Variants in GFI1 observed in about 807,000 individuals in gnomAD.
The protein encoded by GFI1 is growth factor independent 1 transcriptional repressor, also known as zinc finger protein Gfi-1.
GFI1 carries 15 observed loss-of-function variants against 39.2 expected under a neutral mutation model. The observed-to-expected ratio is 0.38, with a 90% CI of 0.26 to 0.59. The LOEUF (loss-of-function observed/expected upper bound fraction) is 0.59, where lower values mean the gene tolerates loss of function less well. Ranked by LOEUF, GFI1 falls within the 20% of genes least tolerant of loss-of-function variation. The probability of loss-of-function intolerance (pLI) is 0.62; values close to 1 mark genes in which losing one functional copy is unlikely to be tolerated. For synonymous variants in GFI1, 239 were observed against 254.3 expected, an observed-to-expected ratio of 0.94 and a Z score of 0.57; for missense variants, 475 against 574.0, an observed-to-expected ratio of 0.83 and a Z score of 1.76.
intron 6 of GFI1, among the ~76,000 whole-genome samples, chr1:92,478,129 C>G (rs1658049996): frequency 6.6e-6 from 1 of 152,194 alleles, no homozygotes; most frequent in Non-Finnish European, 1.5e-5. Flanking sequence ...ATTTGTTCCT[C>G]TTCAATCAGA....
At chr1:92,486,335 G>A (rs1473592575) in intron 1 of GFI1, among the ~76,000 whole-genome samples, 2 of 152,202 alleles carry the variant, frequency 1.3e-5, no homozygotes, top group African/African-American at 4.8e-5. Context: ...GGCAGGGGAT[G>A]GGGGAAATTG....
rs573443108 is a variant in GFI1, at chr1:92,481,867, C to A, written c.299-779G>T. Among the ~76,000 whole-genome samples, 1 of 151,760 alleles carries A rather than the reference C, an allele frequency of 6.6e-6. No homozygotes were observed. The highest frequency in any genetic ancestry group is 1.5e-5 in the Non-Finnish European group (1 of 67,984). On this transcript the variant is annotated intron_variant, in intron 3 of 6. Transcript: ENST00000294702. This position sits in a 1 kb window ranked among gnomAD's most constrained non-coding sequence, Gnocchi z 4.3. ...AGCTCTGAATTCTCGGCCTGCTACG[C>A]CCCCACCCACGTGAATTTTGCTAAA...
rs1411258127 is a variant in GFI1 at position 92,484,597 on chromosome 1, CG to C, written c.-99-1012del. 20 of 152,254 alleles carry C rather than the reference CG, an allele frequency of 1.3e-4. No individual in the cohort carries two copies. The highest frequency in any genetic ancestry group is 4.6e-4 in the African/African-American group (19 of 41,436). The allele number at this position is 152,254 out of a possible 1,614,324, so 9.4% of individuals were successfully genotyped here. On this transcript the variant is annotated intron_variant, in intron 1 of 6. Transcript: ENST00000294702. The surrounding 1 kb of genome is among the most constrained non-coding windows in gnomAD (Gnocchi z 4.1). ...GGCTGCATTAGCAGAGAGCGGGGGTCGGGCCCGGGCCCGGGAGGGAACTAGC... is the reference window on the plus strand; with the variant it reads ...GGCTGCATTAGCAGAGAGCGGGGGTCGGCCCGGGCCCGGGAGGGAACTAGC...
Position 92,480,525 on chromosome 1 carries a change from G to A in GFI1, c.787-40C>T. On this transcript the variant is annotated intron_variant, in intron 4 of 6. Coordinates refer to ENST00000294702, the MANE Select transcript of GFI1 (RefSeq NM_005263.5). The surrounding 1 kb of genome is among the most constrained non-coding windows in gnomAD (Gnocchi z 5.6). Reference sequence around the variant, plus strand: ...GCCAGAGAGAAGGCCGCTGAGAGGGGCCGCGGGGCGCAGGCGAGGCGCGGG... The same window carrying A: ...GCCAGAGAGAAGGCCGCTGAGAGGGACCGCGGGGCGCAGGCGAGGCGCGGG... 1.3e-6 allele frequency: 2 copies of A among 1,547,430 alleles called. No individual in the cohort carries two copies. The highest frequency in any genetic ancestry group is 1.7e-6 in the Non-Finnish European group (2 of 1,145,836).
chr1:92,478,597 T>A lies in GFI1; in HGVS notation c.1081A>T (p.Ile361Phe). The stretch of plus-strand genomic sequence containing the variant: ...GGCCTTTTTAGCTCACCAGTGTGGA[T>A]GAAAGTGTGTTTCTTCATGTCTGAC... Reference protein sequence around the residue: ...QKSDMKKHTFIHTGEKPHKCQ... With the variant: ...QKSDMKKHTFFHTGEKPHKCQ... The change falls in exon 6 of 7, where the codon ATC becomes TTC. Residue 361 changes from isoleucine to phenylalanine, a missense_variant. By Grantham distance (21) the Ile-to-Phe change is conservative. Around this residue, in one of 4 missense-constraint regions of GFI1, gnomAD observed 112 missense variants for 202.8 expected, o/e 0.55. Transcript: ENST00000294702. 6.2e-7 allele frequency: 1 copy of A among 1,614,060 alleles called. No homozygotes were observed. Among genetic ancestry groups the A allele is most frequent in the Non-Finnish European group, 8.5e-7 (1 of 1,179,944 alleles).
At chr1:92,478,791 G>GAGAGAC in intron 5 of GFI1, 38 bp from the exon 6 acceptor site, 1 of 1,457,262 alleles carries the variant, frequency 6.9e-7, no homozygotes, top group Non-Finnish European at 9.6e-7. Flanking sequence ...GAGAGAGAGA[G>GAGAGAC]AGATGCAGAA....
intron 6 of GFI1, among the ~76,000 whole-genome samples, chr1:92,476,886 C>A (rs1036106146): frequency 6.6e-6 from 1 of 152,088 alleles, no homozygotes; most frequent in Non-Finnish European, 1.5e-5. Context: ...ACTTTACTGT[C>A]TTGATTTTTC....
rs1658442031 is a variant in GFI1, at chr1:92,484,669, A to G, written c.-99-1083T>C. The G allele has an allele frequency of 6.6e-6, 1 of 152,192 alleles. No individual in the cohort carries two copies. The highest frequency in any genetic ancestry group is 1.5e-5 in the Non-Finnish European group (1 of 68,102). The allele number at this position is 152,192 out of a possible 1,614,324, so 9.4% of individuals were successfully genotyped here. ...TTAACCCCCAATCAGTTCACCTAAT[A>G]CCAGGTCGAAATCTGAGCGCAGCGG... On this transcript the variant is annotated intron_variant, in intron 1 of 6. Transcript: ENST00000294702. This position sits in a 1 kb window ranked among gnomAD's most constrained non-coding sequence, Gnocchi z 4.1.
chr1:92,477,151 G>C (rs1012951696), intron 6 of GFI1, among the ~76,000 whole-genome samples: 1 of 152,172 alleles, frequency 6.6e-6, no homozygotes, highest in African/African-American at 2.4e-5. Flanking sequence ...CTGTTTTCAT[G>C]CTTCAGATTT....
In GFI1 at chr1:92,476,217, T is replaced by TGGGAGG; in HGVS notation, c.1091-16_1091-11dup. ...TTGTGAGGCTTCTCACCTGTGGGGA[T>TGGGAGG]GGGAGGGGGAGGGGAGAAAGTATGA... On this transcript the variant is annotated splice_polypyrimidine_tract_variant and intron_variant, in intron 6 of 6. Transcript: ENST00000294702. 6.2e-7 allele frequency: 1 copy of TGGGAGG among 1,608,984 alleles called. No homozygotes were observed. Among genetic ancestry groups the TGGGAGG allele is most frequent in the Non-Finnish European group, 8.5e-7 (1 of 1,177,336 alleles).
In GFI1 at chr1:92,486,902, A is replaced by T. The variant is rs1333232334; in HGVS notation, c.-276T>A. 1 of 151,706 alleles carries T rather than the reference A, an allele frequency of 6.6e-6. No homozygotes were observed. Among genetic ancestry groups the T allele is most frequent in the Non-Finnish European group, 1.5e-5 (1 of 67,888 alleles). 9.4% of individuals were successfully genotyped at this position (151,706 alleles called of 1,614,324 possible). On this transcript the variant is annotated 5_prime_UTR_variant, in exon 1 of 7. Transcript: ENST00000294702. Reference sequence around the variant, plus strand: ...CCTGCGCGGAGCTCGCCGGCTCTCGACCGGGTCCGCTCAGCCTTCGACTAA... The same window carrying T: ...CCTGCGCGGAGCTCGCCGGCTCTCGTCCGGGTCCGCTCAGCCTTCGACTAA...
In GFI1 at chr1:92,475,561, T is replaced by A. The variant is rs911276486; in HGVS notation, c.*468A>T. 2 of 190,094 alleles carry A rather than the reference T, an allele frequency of 1.1e-5. No homozygotes were observed. The highest frequency in any genetic ancestry group is 4.7e-5 in the African/African-American group (2 of 42,462). 11.8% of individuals were successfully genotyped at this position (190,094 alleles called of 1,614,324 possible). ...GAAAAAAATAAAAGTTAACACTCAC[T>A]CTTCTTTCTAGATAAAAATATTAGC... On this transcript the variant is annotated 3_prime_UTR_variant, in exon 7 of 7. Coordinates refer to ENST00000294702, the MANE Select transcript of GFI1 (RefSeq NM_005263.5).
intron 6 of GFI1, 99 bp from the exon 7 acceptor site, chr1:92,476,306 CCA>C: frequency 8.5e-7 from 1 of 1,179,488 alleles, no homozygotes; most frequent in Non-Finnish European, 1.2e-6. Context: ...GCTGGTTGCA[CCA>C]CAGTCTAAGG....
chr1:92,479,106 T>C (rs1658102458), intron 5 of GFI1, among the ~76,000 whole-genome samples: 1 of 152,208 alleles, frequency 6.6e-6, no homozygotes, highest in Non-Finnish European at 1.5e-5. Context: ...CCTCAAGTGA[T>C]TCGCCCACCT....
chr1:92,477,361 G>C (rs1345892175), intron 6 of GFI1, among the ~76,000 whole-genome samples: 1 of 152,086 alleles, frequency 6.6e-6, no homozygotes, highest in African/African-American at 2.4e-5. Flanking sequence ...CAGGTAAGAG[G>C]GAATGATTAA....
In GFI1 at chr1:92,483,785, CCACTGA is replaced by C. The variant is rs766497443; in HGVS notation, c.-99-205_-99-200del. The C allele has an allele frequency of 8.1e-4, 364 of 448,924 alleles. 1 individual carries two copies. Among genetic ancestry groups the C allele is most frequent in the Admixed American group, 2.2e-3 (64 of 29,208 alleles). 27.8% of individuals were successfully genotyped at this position (448,924 alleles called of 1,614,324 possible). On this transcript the variant is annotated intron_variant, in intron 1 of 6. Coordinates refer to ENST00000294702, the MANE Select transcript of GFI1 (RefSeq NM_005263.5). ...GAACCCGCCGTCGTTGCCGCCGCCGCCACTGACACAGCTCAGCGGTAAAACCTGTCC... is the reference window on the plus strand; with the variant it reads ...GAACCCGCCGTCGTTGCCGCCGCCGCCACAGCTCAGCGGTAAAACCTGTCC...
In GFI1 at chr1:92,482,801, T is replaced by C. The variant is rs1424417646; in HGVS notation, c.298+63A>G. The C allele has an allele frequency of 6.0e-6, 8 of 1,338,494 alleles. No individual in the cohort carries two copies. Among genetic ancestry groups the C allele is most frequent in the African/African-American group, 5.7e-5 (4 of 69,774 alleles). 82.9% of individuals were successfully genotyped at this position (1,338,494 alleles called of 1,614,324 possible). ...ATTTCTACGCCCAAGGTCGCGCCAA[T>C]TCCCCCCCAGCACTGCCGGGTCCCT... On this transcript the variant is annotated intron_variant, in intron 3 of 6. Transcript: ENST00000294702. The surrounding 1 kb of genome is among the most constrained non-coding windows in gnomAD (Gnocchi z 4.4).
In GFI1 at chr1:92,474,449, T is replaced by G. The variant is rs1557664654; in HGVS notation, c.*1580A>C. Among the ~76,000 whole-genome samples, 1 of 152,190 alleles carries G rather than the reference T, an allele frequency of 6.6e-6. No homozygotes were observed. Among genetic ancestry groups the G allele is most frequent in the African/African-American group, 2.4e-5 (1 of 41,446 alleles). On this transcript the variant is annotated 3_prime_UTR_variant, in exon 7 of 7. Coordinates refer to ENST00000294702, the MANE Select transcript of GFI1 (RefSeq NM_005263.5). ...GAGCCTTCAGGCCCCTAAAAAAATATGTTGACATTTTCAGAGGAAAGAGCT... is the reference window on the plus strand; with the variant it reads ...GAGCCTTCAGGCCCCTAAAAAAATAGGTTGACATTTTCAGAGGAAAGAGCT...
rs896821313 is a variant in GFI1, at chr1:92,484,218, G to A, written c.-99-632C>T. 6.6e-6 allele frequency among the ~76,000 whole-genome samples: 1 copy of A among 152,140 alleles called. No homozygotes were observed. Among genetic ancestry groups the A allele is most frequent in the Non-Finnish European group, 1.5e-5 (1 of 68,034 alleles). ...AGAGAAAGGAGGTGGGAGAGCAAAGGGACAGGAAAGTGAGGGGAACAACAG... is the reference window on the plus strand; with the variant it reads ...AGAGAAAGGAGGTGGGAGAGCAAAGAGACAGGAAAGTGAGGGGAACAACAG... On this transcript the variant is annotated intron_variant, in intron 1 of 6. Transcript: ENST00000294702. The surrounding 1 kb of genome is among the most constrained non-coding windows in gnomAD (Gnocchi z 4.1).
Sources: allele counts gnomAD v4.1 joint callset (sites outside exome capture counted in the v4.1 genomes callset), GRCh38; gene constraint gnomAD v4.1.1; regional missense constraint gnomAD v4.1.1; non-coding constraint Gnocchi (gnomAD v3.1); transcripts MANE v1.5; gene names NCBI Gene and HGNC (gene_info 2026-07-23, HGNC 2026-07-21).